The following NRG3 variants were observed in gnomAD, a reference collection of about 807,000 sequenced individuals.
NRG3 encodes the protein neuregulin 3, also known as pro-neuregulin-3, membrane-bound isoform.
NRG3 carries 31 observed loss-of-function variants against 66.9 expected under a neutral mutation model. That is an observed-to-expected ratio of 0.46 (90% CI 0.35 to 0.63). The LOEUF (loss-of-function observed/expected upper bound fraction) is 0.63. NRG3 is among the 20% of genes least tolerant of loss of function. The probability of loss-of-function intolerance (pLI) is 0.00; values close to 1 mark genes in which losing one functional copy is unlikely to be tolerated. For missense variants in NRG3, 910 were observed against 878.9 expected (o/e 1.04, Z -0.45); for synonymous variants, 393 against 359.4 (o/e 1.09, Z -1.06).
At chr10:82,977,431 A>G (rs1852384996) in intron 7 of NRG3, among the ~76,000 whole-genome samples, 2 of 151,988 alleles carry the variant, frequency 1.3e-5, no homozygotes, top group South Asian at 4.1e-4. Context: ...CAACATGGTG[A>G]AACCTCATCT....
intron 1 of NRG3, among the ~76,000 whole-genome samples, chr10:82,054,832 C>T (rs2063755096): frequency 8.1e-6 from 1 of 124,006 alleles, no homozygotes; most frequent in African/African-American, 3.0e-5. Flanking sequence ...ACAGTGACAC[C>T]CCAGATCTAT....
chr10:82,112,249 G>T (rs79163175), intron 1 of NRG3, among the ~76,000 whole-genome samples: 1 of 151,956 alleles, frequency 6.6e-6, no homozygotes, highest in African/African-American at 2.4e-5. Context: ...TCTTAAAAAA[G>T]AAAACAAAAG....
chr10:81,995,560 C>A (rs534076267), intron 1 of NRG3, among the ~76,000 whole-genome samples: 17 of 152,346 alleles, frequency 1.1e-4, no homozygotes, highest in African/African-American at 4.1e-4. Context: ...TTTTCTGCTT[C>A]TTGTGATTAC....
intron 1 of NRG3, among the ~76,000 whole-genome samples, chr10:82,312,847 T>C (rs1361640579): frequency 6.6e-6 from 1 of 152,150 alleles, no homozygotes; most frequent in Non-Finnish European, 1.5e-5. Context: ...ATAAATGGTG[T>C]TCATGAAAAT....
intron 3 of NRG3, among the ~76,000 whole-genome samples, chr10:82,767,594 G>A (rs1233826403): frequency 6.6e-6 from 1 of 151,438 alleles, no homozygotes; most frequent in Admixed American, 6.6e-5. Context: ...TCTCTTGGTT[G>A]GCTATTGGAT....
intron 2 of NRG3, among the ~76,000 whole-genome samples, chr10:82,512,201 A>G (rs1845240988): frequency 1.3e-5 from 2 of 151,664 alleles, no homozygotes. Context: ...GTGTAAATAT[A>G]TAAAATATAC....
intron 4 of NRG3, among the ~76,000 whole-genome samples, chr10:82,918,008 C>A (rs753723968): frequency 0.077 from 10,115 of 131,288 alleles, 498 homozygotes; most frequent in Middle Eastern, 0.16. Context: ...GTATGTATCT[C>A]TCTCTATATA....
At chr10:81,938,500 A>C (rs1223489305) in intron 1 of NRG3, among the ~76,000 whole-genome samples, 1 of 150,902 alleles carries the variant, frequency 6.6e-6, no homozygotes, top group Non-Finnish European at 1.5e-5. Flanking sequence ...TTGTAAATGG[A>C]ATTGTTTTCT....
intron 1 of NRG3, among the ~76,000 whole-genome samples, chr10:82,286,749 G>A (rs887874220): frequency 1.3e-5 from 2 of 151,916 alleles, no homozygotes; most frequent in African/African-American, 4.8e-5. Context: ...CACCATGCCC[G>A]GCTCACTTTT....
chr10:82,699,303 G>T (rs1483734829), intron 2 of NRG3, among the ~76,000 whole-genome samples: 2 of 150,664 alleles, frequency 1.3e-5, no homozygotes, highest in African/African-American at 4.9e-5. Context: ...GAGGGAGGGA[G>T]ACAGGGAGGG....
chr10:82,627,807 C>T (rs2049531438), intron 2 of NRG3, among the ~76,000 whole-genome samples: 1 of 152,150 alleles, frequency 6.6e-6, no homozygotes, highest in Non-Finnish European at 1.5e-5. Flanking sequence ...GTAACCTTAG[C>T]CACAAATGTC....
intron 1 of NRG3, among the ~76,000 whole-genome samples, chr10:82,063,870 A>T (rs2064300789): frequency 6.6e-6 from 1 of 152,142 alleles, no homozygotes; most frequent in Non-Finnish European, 1.5e-5. Context: ...CATCATGGAA[A>T]TTTTACTTCC....
intron 1 of NRG3, among the ~76,000 whole-genome samples, chr10:81,912,423 T>C (rs1411063059): frequency 3.9e-5 from 6 of 152,184 alleles, no homozygotes; most frequent in Non-Finnish European, 8.8e-5. Context: ...GGTCTCCTTA[T>C]GTTTCCCAGG....
intron 1 of NRG3, among the ~76,000 whole-genome samples, chr10:82,057,512 G>T (rs2063907156): frequency 6.6e-6 from 1 of 152,052 alleles, no homozygotes; most frequent in African/African-American, 2.4e-5. Context: ...CTTTGAAATT[G>T]TTGGGGTAAT....
At chr10:82,602,004 A>G (rs2133405464) in intron 2 of NRG3, among the ~76,000 whole-genome samples, 1 of 151,084 alleles carries the variant, frequency 6.6e-6, no homozygotes, top group Admixed American at 6.6e-5. Context: ...GGTTGCTCAA[A>G]TCCAGGAGTT....
chr10:82,769,936 A>AG (rs1248414053), intron 3 of NRG3, among the ~76,000 whole-genome samples: 1 of 152,122 alleles, frequency 6.6e-6, no homozygotes, highest in Non-Finnish European at 1.5e-5. Context: ...GACGTGATGC[A>AG]GACCCAGCCC....
In NRG3 at chr10:82,014,255, T is replaced by C. The variant is rs138651081; in HGVS notation, c.823+138092T>C. On this transcript the variant is annotated intron_variant, in intron 1 of 8. Coordinates refer to ENST00000372141, the MANE Select transcript of NRG3 (RefSeq NM_001010848.4). Reference sequence around the variant, plus strand: ...AAGCAAGTGCTTTATACTCACACTGTTGCATGTAAACTCCTCAACATTTCT... The same window carrying C: ...AAGCAAGTGCTTTATACTCACACTGCTGCATGTAAACTCCTCAACATTTCT... 3.8e-3 allele frequency among the ~76,000 whole-genome samples: 584 copies of C among 152,284 alleles called. 3 individuals carry two copies. Among genetic ancestry groups the C allele is most frequent in the African/African-American group, 0.013 (558 of 41,552 alleles).
intron 1 of NRG3, among the ~76,000 whole-genome samples, chr10:82,150,470 T>A (rs937827286): frequency 2.8e-5 from 4 of 145,288 alleles, no homozygotes; most frequent in African/African-American, 1.0e-4. Context: ...TTTGTTTGTT[T>A]AAATTGACAT....
intron 3 of NRG3, among the ~76,000 whole-genome samples, chr10:82,860,225 T>A (rs1168019295): frequency 6.6e-6 from 1 of 152,170 alleles, no homozygotes; most frequent in African/African-American, 2.4e-5. Context: ...TTGTCTTCCT[T>A]TGTCTGCCCC....
Sources: gnomAD v4.1 joint callset for allele counts (sites outside exome capture counted in the v4.1 genomes callset) on GRCh38, gnomAD v4.1.1 for gene constraint, MANE v1.5 for transcripts, NCBI Gene and HGNC (gene_info 2026-07-23, HGNC 2026-07-21) for gene names.